CACNA2D1: variants seen among roughly 807,000 people sequenced by gnomAD.
The protein encoded by CACNA2D1 is voltage-dependent calcium channel subunit alpha-2/delta-1.
Under a neutral mutation model 171.5 loss-of-function variants are expected in CACNA2D1, and 53 were observed. The ratio of observed to expected loss-of-function variants is 0.31; its 90% confidence interval spans 0.25 to 0.39. The LOEUF (loss-of-function observed/expected upper bound fraction) is 0.39. Among genes scored for constraint, CACNA2D1 ranks in the 10% least tolerant of loss-of-function variants. The probability of loss-of-function intolerance (pLI) is 1.00; values close to 1 mark genes in which losing one functional copy is unlikely to be tolerated. For missense variants in CACNA2D1, 903 were observed against 1,299.8 expected (o/e 0.69, Z 4.69); for synonymous variants, 442 against 443.1 (o/e 1.00, Z 0.03).
chr7:82,135,403 T>C (rs10234372), intron 5 of CACNA2D1, among the ~76,000 whole-genome samples: 31,216 of 151,956 alleles, frequency 0.21, 3,682 homozygotes, highest in African/African-American at 0.33. Context: ...ATAAGCCTCC[T>C]ACATCATTAA....
intron 3 of CACNA2D1, among the ~76,000 whole-genome samples, chr7:82,171,631 T>C (rs753413123): frequency 7.9e-5 from 12 of 152,120 alleles, no homozygotes; most frequent in Non-Finnish European, 1.0e-4. Flanking sequence ...ACAATATATA[T>C]GTCAACTATC....
intron 3 of CACNA2D1, among the ~76,000 whole-genome samples, chr7:82,266,140 T>C (rs1807814416): frequency 6.6e-6 from 1 of 152,190 alleles, no homozygotes. Flanking sequence ...AAAGCATTTT[T>C]ATTCAATAAA....
intron 38 of CACNA2D1, among the ~76,000 whole-genome samples, chr7:81,950,909 T>C (rs760047129): frequency 6.6e-6 from 1 of 152,104 alleles, no homozygotes. Context: ...CTATGCTCCA[T>C]ATGGTAAAGT....
At chr7:82,055,918 ATG>A (rs541931399) in intron 10 of CACNA2D1, among the ~76,000 whole-genome samples, 1 of 53,980 alleles carries the variant, frequency 1.9e-5, no homozygotes, top group African/African-American at 4.9e-5. Flanking sequence ...TATAATAAAT[ATG>A]TGTGTGTGTG....
intron 1 of CACNA2D1, among the ~76,000 whole-genome samples, chr7:82,364,350 A>G (rs1422710717): frequency 6.6e-6 from 1 of 152,230 alleles, no homozygotes; most frequent in Admixed American, 6.5e-5. Flanking sequence ...CAAGAAGTTC[A>G]TAGCATGATT....
At chr7:82,104,111 A>G (rs1813026379) in intron 6 of CACNA2D1, among the ~76,000 whole-genome samples, 1 of 152,068 alleles carries the variant, frequency 6.6e-6, no homozygotes, top group African/African-American at 2.4e-5. Flanking sequence ...AACCATGAAA[A>G]GAATCTAATT....
At chr7:82,124,182 T>C (rs968591783) in intron 5 of CACNA2D1, among the ~76,000 whole-genome samples, 8 of 152,144 alleles carry the variant, frequency 5.3e-5, no homozygotes, top group African/African-American at 1.9e-4. Context: ...AAGAAACCTA[T>C]GAGGCAGGAG....
At chr7:82,107,771 G>C (rs889416126) in intron 6 of CACNA2D1, among the ~76,000 whole-genome samples, 5 of 151,446 alleles carry the variant, frequency 3.3e-5, no homozygotes, top group African/African-American at 1.2e-4. Flanking sequence ...TTTAGTAGAG[G>C]CAGGGTTTCA....
At chr7:82,296,193 G>A (rs1426296019) in intron 3 of CACNA2D1, among the ~76,000 whole-genome samples, 1 of 151,516 alleles carries the variant, frequency 6.6e-6, no homozygotes, top group African/African-American at 2.4e-5. Flanking sequence ...ACACCAGCAT[G>A]GCACATGTAT....
chr7:82,278,264 C>A (rs1400543584), intron 3 of CACNA2D1, among the ~76,000 whole-genome samples: 1 of 152,034 alleles, frequency 6.6e-6, no homozygotes, highest in African/African-American at 2.4e-5. Context: ...ACCTAATATA[C>A]TTATATCAAC....
intron 1 of CACNA2D1, among the ~76,000 whole-genome samples, chr7:82,396,614 C>T (rs1379327631): frequency 6.6e-6 from 1 of 152,182 alleles, no homozygotes; most frequent in African/African-American, 2.4e-5. Context: ...TGTAATACTG[C>T]CCCTCACTTC....
At chr7:82,348,043 T>G (rs1395847113) in intron 2 of CACNA2D1, among the ~76,000 whole-genome samples, 1 of 152,146 alleles carries the variant, frequency 6.6e-6, no homozygotes, top group Non-Finnish European at 1.5e-5. Context: ...GGGGAAGCAC[T>G]CACAGAGTAA....
At position 82,066,626 on chromosome 7, in the gene CACNA2D1, C is replaced by T. The variant is rs182605246; in HGVS notation, c.659-102G>A. ...ACAAAAAGCAATAGATACATAATTT[C>T]ACTTACGTACTTCAATGTTCAAATG... On this transcript the variant is annotated intron_variant, in intron 7 of 38. Transcript: ENST00000356860. The T allele has an allele frequency of 4.3e-4, 625 of 1,445,626 alleles. No homozygotes were observed. The African/African-American group carries it at 7.9e-3, about 18-fold the overall frequency. The allele number at this position is 1,445,626 out of a possible 1,614,324, so 89.5% of individuals were successfully genotyped here.
rs556214583 is a variant in CACNA2D1, at chr7:82,168,912, T to C, written c.354+1638A>G. Among the ~76,000 whole-genome samples, 3 of 152,198 alleles carry C rather than the reference T, an allele frequency of 2.0e-5. No homozygotes were observed. The South Asian group carries it at 6.2e-4, about 32-fold the overall frequency. On this transcript the variant is annotated intron_variant, in intron 4 of 38. Coordinates refer to ENST00000356860, the MANE Select transcript of CACNA2D1 (RefSeq NM_000722.4). Reference sequence around the variant, plus strand: ...TTCAGAGGCTGAGTTTGTGTGTCTGTTTTGAGTTCTCCGAATTACTGAAGA... The same window carrying C: ...TTCAGAGGCTGAGTTTGTGTGTCTGCTTTGAGTTCTCCGAATTACTGAAGA...
intron 1 of CACNA2D1, among the ~76,000 whole-genome samples, chr7:82,414,393 T>C (rs1470254582): frequency 6.6e-6 from 1 of 152,140 alleles, no homozygotes; most frequent in East Asian, 1.9e-4. Flanking sequence ...CCCTGGCTAG[T>C]ATGAAATGCC....
At chr7:82,368,318 T>C (rs1003139189) in intron 1 of CACNA2D1, among the ~76,000 whole-genome samples, 4 of 152,252 alleles carry the variant, frequency 2.6e-5, no homozygotes, top group African/African-American at 9.6e-5. Flanking sequence ...AAACAAATTG[T>C]GTGGAAATAT....
chr7:82,253,587 A>C (rs982551067), intron 3 of CACNA2D1, among the ~76,000 whole-genome samples: 4 of 151,994 alleles, frequency 2.6e-5, no homozygotes, highest in Non-Finnish European at 5.9e-5. Context: ...GAATCTGAGA[A>C]GTCTTGAGAT....
At chr7:82,086,416 T>C (rs138804776) in intron 6 of CACNA2D1, among the ~76,000 whole-genome samples, 107 of 152,112 alleles carry the variant, frequency 7.0e-4, no homozygotes, top group African/African-American at 2.3e-3. Context: ...AAAAGATCAG[T>C]TGTGTGTGTG....
chr7:82,111,445 T>TATATA lies in CACNA2D1; in HGVS notation c.526+5598_526+5599insTATAT, dbSNP rs370516065. 8.8e-3 allele frequency among the ~76,000 whole-genome samples: 430 copies of TATATA among 49,062 alleles called. 46 individuals carry two copies. The highest frequency in any genetic ancestry group is 0.031 in the Middle Eastern group (3 of 98). 32.2% of individuals were successfully genotyped at this position (49,062 alleles called of 152,430 possible). A position where few individuals can be genotyped will look rare whatever the true frequency, so the allele number is the denominator to read the frequency against. ...ATATGTGTGTATATATATATATATA[T>TATATA]TTTTTTTTTTTTTTTTTTTTGAGAC... is the stretch of plus-strand genomic sequence containing the variant. On this transcript the variant is annotated intron_variant, in intron 6 of 38. Transcript: ENST00000356860.
Sources: allele counts gnomAD v4.1 joint callset (sites outside exome capture counted in the v4.1 genomes callset), GRCh38; gene constraint gnomAD v4.1.1; transcripts MANE v1.5; gene names NCBI Gene and HGNC (gene_info 2026-07-23, HGNC 2026-07-21).